DRC11: variants seen among roughly 807,000 people sequenced by gnomAD.
The protein encoded by DRC11 is dynein regulatory complex subunit 11.
At chr2:236,481,415 T>A in the DRC11 span, among the ~76,000 whole-genome samples, 19 of 152,138 alleles carry the variant, frequency 1.2e-4, no homozygotes, top group Non-Finnish European at 2.8e-4. Context: ...GCACTGTGAA[T>A]ATAGAAGTCT....
chr2:236,468,282 G>T, the DRC11 span, among the ~76,000 whole-genome samples: 1 of 151,978 alleles, frequency 6.6e-6, no homozygotes, highest in Non-Finnish European at 1.5e-5. Context: ...TGTAGAGATG[G>T]GGTCTTGCCA....
At chr2:236,484,931 G>C in the DRC11 span, among the ~76,000 whole-genome samples, 1 of 152,128 alleles carries the variant, frequency 6.6e-6, no homozygotes. Flanking sequence ...GCCTTATTTG[G>C]GGCCCTCCCT....
At chr2:236,389,788 G>A in the DRC11 span, among the ~76,000 whole-genome samples, 1 of 152,088 alleles carries the variant, frequency 6.6e-6, no homozygotes, top group Non-Finnish European at 1.5e-5. Context: ...CCGCATATTT[G>A]TGAATTTTTC....
chr2:236,383,945 G>A, the DRC11 span, among the ~76,000 whole-genome samples: 4 of 151,556 alleles, frequency 2.6e-5, no homozygotes, highest in Non-Finnish European at 5.9e-5. Context: ...ATAGTTTACT[G>A]AGAATGATGA....
the DRC11 span, among the ~76,000 whole-genome samples, chr2:236,465,127 G>T: frequency 6.6e-6 from 1 of 152,060 alleles, no homozygotes; most frequent in Non-Finnish European, 1.5e-5. This position sits in a 1 kb window ranked among gnomAD's most constrained non-coding sequence, Gnocchi z 6.2. Context: ...TGCCTCAAAG[G>T]ATTATGACCG....
the DRC11 span, among the ~76,000 whole-genome samples, chr2:236,323,312 AC>A: frequency 6.6e-6 from 1 of 152,104 alleles, no homozygotes; most frequent in Middle Eastern, 3.2e-3. The surrounding 1 kb of genome is among the most constrained non-coding windows in gnomAD (Gnocchi z 6.4). Context: ...TTCTCAGGCC[AC>A]CCTGGGCTTT....
the DRC11 span, among the ~76,000 whole-genome samples, chr2:236,383,394 T>C: frequency 4.6e-5 from 7 of 152,180 alleles, no homozygotes; most frequent in African/African-American, 1.7e-4. Flanking sequence ...AACCAGCTCT[T>C]AGTTTTATCA....
chr2:236,334,828 G>C, the DRC11 span, among the ~76,000 whole-genome samples: 1 of 152,050 alleles, frequency 6.6e-6, no homozygotes, highest in Non-Finnish European at 1.5e-5. This position sits in a 1 kb window ranked among gnomAD's most constrained non-coding sequence, Gnocchi z 7.8. Flanking sequence ...CCAGACACTG[G>C]GTCTGGGTGG....
At chr2:236,356,807 C>T in the DRC11 span, among the ~76,000 whole-genome samples, 4 of 151,112 alleles carry the variant, frequency 2.6e-5, no homozygotes, top group Non-Finnish European at 4.4e-5. Context: ...TAGGCAACAG[C>T]CCTGCCTTAT....
At chr2:236,321,712 C>A in the DRC11 span, among the ~76,000 whole-genome samples, 1 of 152,180 alleles carries the variant, frequency 6.6e-6, no homozygotes, top group Non-Finnish European at 1.5e-5. Context: ...TGTGACAGAG[C>A]AGGAGCACCG....
chr2:236,337,735 G>A, the DRC11 span, among the ~76,000 whole-genome samples: 1 of 151,542 alleles, frequency 6.6e-6, no homozygotes, highest in South Asian at 2.1e-4. This position sits in a 1 kb window ranked among gnomAD's most constrained non-coding sequence, Gnocchi z 4.9. Context: ...AGAAGGAATT[G>A]AAAAAGTAAG....
At chr2:236,309,595 C>A in the DRC11 span, among the ~76,000 whole-genome samples, 1 of 152,194 alleles carries the variant, frequency 6.6e-6, no homozygotes, top group African/African-American at 2.4e-5. This position sits in a 1 kb window ranked among gnomAD's most constrained non-coding sequence, Gnocchi z 5.7. Flanking sequence ...AGCTTATTTC[C>A]TGTTAGCAAA....
the DRC11 span, among the ~76,000 whole-genome samples, chr2:236,341,331 C>T: frequency 1.3e-4 from 20 of 152,232 alleles, no homozygotes; most frequent in African/African-American, 4.1e-4. Context: ...TGAGCGCACT[C>T]GAGGCGCAGG....
the DRC11 span, chr2:236,407,759 G>T: frequency 3.3e-6 from 1 of 299,828 alleles, no homozygotes; most frequent in Non-Finnish European, 6.5e-6. Flanking sequence ...CTCCATCATA[G>T]CCTTAGTTTT....
chr2:236,433,195 C>A, the DRC11 span, among the ~76,000 whole-genome samples: 6 of 152,250 alleles, frequency 3.9e-5, no homozygotes, highest in Admixed American at 6.5e-5. Context: ...CCTCACTATG[C>A]TTCATTTTCA....
At chr2:236,353,724 G>C in the DRC11 span, among the ~76,000 whole-genome samples, 1 of 152,076 alleles carries the variant, frequency 6.6e-6, no homozygotes, top group Non-Finnish European at 1.5e-5. The surrounding 1 kb of genome is among the most constrained non-coding windows in gnomAD (Gnocchi z 5.0). Context: ...TGGGAGTTGG[G>C]AGACACGGTC....
chr2:236,406,865 C>T, the DRC11 span, among the ~76,000 whole-genome samples: 3 of 152,050 alleles, frequency 2.0e-5, no homozygotes, highest in Non-Finnish European at 4.4e-5. The surrounding 1 kb of genome is among the most constrained non-coding windows in gnomAD (Gnocchi z 4.7). Flanking sequence ...CCTGCCTCAG[C>T]CTCCCAAGTA....
At chr2:236,505,671 G>C in the DRC11 span, among the ~76,000 whole-genome samples, 1 of 152,012 alleles carries the variant, frequency 6.6e-6, no homozygotes, top group Non-Finnish European at 1.5e-5. Flanking sequence ...GCCACCTCCA[G>C]AGCACCCACC....
the DRC11 span, among the ~76,000 whole-genome samples, chr2:236,311,462 C>G: frequency 6.6e-6 from 1 of 152,356 alleles, no homozygotes; most frequent in Non-Finnish European, 1.5e-5. This position sits in a 1 kb window ranked among gnomAD's most constrained non-coding sequence, Gnocchi z 6.9. Context: ...TGTCCTTCAC[C>G]TTCCCTATCT....
Sources: allele counts gnomAD v4.1 joint callset (sites outside exome capture counted in the v4.1 genomes callset), GRCh38; gene constraint gnomAD v4.1.1; non-coding constraint Gnocchi (gnomAD v3.1); transcripts MANE v1.5; gene names NCBI Gene and HGNC (gene_info 2026-07-23, HGNC 2026-07-21).